GAB1: variants seen among roughly 807,000 people sequenced by gnomAD.
GAB1 encodes GRB2-associated-binding protein 1.
GAB1 carries 19 observed loss-of-function variants against 66.5 expected under a neutral mutation model. The observed-to-expected ratio is 0.29, with a 90% CI of 0.20 to 0.42. GAB1 has a LOEUF of 0.42. Ranked by LOEUF, GAB1 falls within the 10% of genes least tolerant of loss-of-function variation. The pLI is 1.00. For missense variants in GAB1, 732 were observed against 858.5 expected, an observed-to-expected ratio of 0.85 and a Z score of 1.84; for synonymous variants, 294 against 301.4, an observed-to-expected ratio of 0.98 and a Z score of 0.25.
chr4:143,346,036 A>G (rs1204829866), intron 1 of GAB1, among the ~76,000 whole-genome samples: 1 of 152,026 alleles, frequency 6.6e-6, no homozygotes, highest in African/African-American at 2.4e-5. Flanking sequence ...GTAACATTTT[A>G]TTTGCTAACT....
intron 6 of GAB1, among the ~76,000 whole-genome samples, chr4:143,450,491 A>T (rs1734861080): frequency 6.6e-6 from 1 of 152,242 alleles, no homozygotes; most frequent in African/African-American, 2.4e-5. Flanking sequence ...AATAGATCAC[A>T]TCTATTTAAT....
At chr4:143,350,085 G>C (rs1581215100) in intron 1 of GAB1, 11 of 1,425,072 alleles carry the variant, frequency 7.7e-6, no homozygotes, top group Non-Finnish European at 1.1e-5. Flanking sequence ...CAGGGCCTCC[G>C]GGCCCTCCCG....
chr4:143,459,377 C>G lies in GAB1; in HGVS notation c.1586-8C>G, dbSNP rs748796305. ...ACTAAAAATCTCTTTTTCTCTTTTT[C>G]TTTTCAGTCAAGCCAGCGCCTTTAG... is the stretch of plus-strand genomic sequence containing the variant. On this transcript the variant is annotated splice_region_variant and splice_polypyrimidine_tract_variant and intron_variant, in intron 6 of 9. Coordinates refer to ENST00000262994, the MANE Select transcript of GAB1 (RefSeq NM_002039.4). 6.4e-7 allele frequency: 1 copy of G among 1,561,302 alleles called. No homozygotes were observed. The highest frequency in any genetic ancestry group is 1.1e-5 in the South Asian group (1 of 89,598).
chr4:143,371,791 A>G (rs1581237805), intron 1 of GAB1, among the ~76,000 whole-genome samples: 1 of 145,556 alleles, frequency 6.9e-6, no homozygotes, highest in Admixed American at 6.9e-5. Flanking sequence ...TCCTAACACC[A>G]TTTATTAAAT....
At chr4:143,446,750 T>G (rs1734573506) in intron 6 of GAB1, among the ~76,000 whole-genome samples, 2 of 152,116 alleles carry the variant, frequency 1.3e-5, no homozygotes, top group Non-Finnish European at 2.9e-5. Flanking sequence ...AAGTTGCCTG[T>G]TCACTCTGAT....
chr4:143,393,669 G>A (rs911071625), intron 1 of GAB1, among the ~76,000 whole-genome samples: 11 of 152,062 alleles, frequency 7.2e-5, no homozygotes, highest in South Asian at 2.1e-4. Context: ...GTGAGTGTCC[G>A]CATTATTAAA....
At chr4:143,448,433 G>T (rs376930375) in intron 6 of GAB1, among the ~76,000 whole-genome samples, 1 of 151,736 alleles carries the variant, frequency 6.6e-6, no homozygotes, top group East Asian at 1.9e-4. Flanking sequence ...GACTCTTTTT[G>T]GTTGGTAAGC....
At chr4:143,402,708 C>T (rs942332285) in intron 1 of GAB1, among the ~76,000 whole-genome samples, 1 of 152,102 alleles carries the variant, frequency 6.6e-6, no homozygotes, top group African/African-American at 2.4e-5. Flanking sequence ...TACCCTTCTT[C>T]GTTCTAGTTA....
intron 8 of GAB1, among the ~76,000 whole-genome samples, chr4:143,464,873 C>G (rs1160203421): frequency 1.3e-5 from 2 of 152,090 alleles, no homozygotes; most frequent in African/African-American, 2.4e-5. Context: ...TTAACCTAAG[C>G]AAAAAGAAAT....
At chr4:143,468,577 A>G (rs2149801930) in intron 9 of GAB1, among the ~76,000 whole-genome samples, 1 of 152,180 alleles carries the variant, frequency 6.6e-6, no homozygotes, top group African/African-American at 2.4e-5. Flanking sequence ...GGAGAGAGAC[A>G]TTTTTAAGTT....
rs183255772 is a variant in GAB1 at position 143,425,250 on chromosome 4, G to A, written c.368-8241G>A. The A allele has an allele frequency of 6.5e-5, 63 of 966,702 alleles. 2 individuals carry two copies. Among genetic ancestry groups the A allele is most frequent in the African/African-American group, 2.5e-4 (16 of 62,854 alleles). The allele number at this position is 966,702 out of a possible 1,614,324, so 59.9% of individuals were successfully genotyped here. Reference sequence around the variant, plus strand: ...GCTGGCAGCTCATGCCATTGTTGCCGTTGAAAACCCTGCAGATGTCAGTGT... The same window carrying A: ...GCTGGCAGCTCATGCCATTGTTGCCATTGAAAACCCTGCAGATGTCAGTGT... On this transcript the variant is annotated intron_variant, in intron 2 of 9. Transcript: ENST00000262994.
intron 1 of GAB1, among the ~76,000 whole-genome samples, chr4:143,354,442 C>T (rs1729359815): frequency 6.6e-6 from 1 of 152,014 alleles, no homozygotes; most frequent in South Asian, 2.1e-4. Context: ...CCAAATGCAA[C>T]ATTGAGAAAT....
Position 143,455,125 on chromosome 4 carries a change from A to G in GAB1, c.1586-4260A>G, listed in dbSNP as rs28925923. Among the ~76,000 whole-genome samples the G allele has an allele frequency of 9.5e-4, 144 of 152,182 alleles. 1 individual carries two copies. Among genetic ancestry groups the G allele is most frequent in the African/African-American group, 3.4e-3 (141 of 41,516 alleles). On this transcript the variant is annotated intron_variant, in intron 6 of 9. Transcript: ENST00000262994. ...TCCGTTTCAGTCCTTCCCATTTTAA[A>G]AGCTCTTTTTGTTGTCATATAGGGA...
intron 1 of GAB1, among the ~76,000 whole-genome samples, chr4:143,355,516 A>T (rs1489004455): frequency 1.3e-5 from 2 of 152,190 alleles, no homozygotes; most frequent in East Asian, 3.8e-4. Context: ...AAGTATTCAG[A>T]TTGTTGTGCC....
At position 143,389,882 on chromosome 4, in the gene GAB1, C is replaced by T. The variant is rs573578684; in HGVS notation, c.73-25595C>T. Among the ~76,000 whole-genome samples the T allele has an allele frequency of 7.9e-5, 12 of 152,300 alleles. No individual in the cohort carries two copies. In the South Asian group the frequency reaches 2.3e-3, roughly 29 times the overall value. On this transcript the variant is annotated intron_variant, in intron 1 of 9. Transcript: ENST00000262994. ...AAGAAGCTTATCTTCCAGTCCCCTT[C>T]CTCACTTGACTCTGCCAGCCCCCTT...
intron 1 of GAB1, among the ~76,000 whole-genome samples, chr4:143,406,151 A>G (rs140564601): frequency 2.0e-5 from 3 of 152,170 alleles, no homozygotes; most frequent in African/African-American, 7.2e-5. Context: ...GAAAACTGGG[A>G]TAGTTGATCA....
chr4:143,439,721 A>G, intron 4 of GAB1, 81 bp from the exon 5 acceptor site: 1 of 908,486 alleles, frequency 1.1e-6, no homozygotes, highest in South Asian at 1.4e-5. Flanking sequence ...GTATAATGAG[A>G]GAAAGATAAT....
chr4:143,359,009 CA>C lies in GAB1; in HGVS notation c.72+21750del, dbSNP rs892956589. ...GCTCCTTAGCTCCCTGGCTTATTTA[CA>C]TATTGTATAATCCAGACTGGCTTGT... On this transcript the variant is annotated intron_variant, in intron 1 of 9. Transcript: ENST00000262994. Among the ~76,000 whole-genome samples, 28 of 152,292 alleles carry C rather than the reference CA, an allele frequency of 1.8e-4. No individual in the cohort carries two copies. In the East Asian group the frequency reaches 1.9e-3, roughly 10 times the overall value.
intron 1 of GAB1, among the ~76,000 whole-genome samples, chr4:143,358,580 A>C (rs1729538205): frequency 6.6e-6 from 1 of 152,214 alleles, no homozygotes. Flanking sequence ...CATGAAACTA[A>C]AACAATTTAT....
Sources: allele counts gnomAD v4.1 joint callset (sites outside exome capture counted in the v4.1 genomes callset), GRCh38; gene constraint gnomAD v4.1.1; transcripts MANE v1.5; gene names NCBI Gene and HGNC (gene_info 2026-07-23, HGNC 2026-07-21).